MYH4: variants seen among roughly 807,000 people sequenced by gnomAD.
MYH4 encodes the protein myosin heavy chain 4.
Under a neutral mutation model 229.9 loss-of-function variants are expected in MYH4, and 200 were observed. That is an observed-to-expected ratio of 0.87 (90% CI 0.78 to 0.98). The LOEUF is 0.98. Among genes scored for constraint, MYH4 ranks in the 50% least tolerant of loss-of-function variants. MYH4 has a pLI of 0.00. For missense variants in MYH4, 2,148 were observed against 2,332.6 expected (o/e 0.92, Z 1.63); for synonymous variants, 761 against 834.6 (o/e 0.91, Z 1.52).
intron 30 of MYH4, 92 bp from the exon 31 acceptor site, chr17:10,449,139 C>T: frequency 9.2e-7 from 1 of 1,083,270 alleles, no homozygotes; most frequent in Non-Finnish European, 1.3e-6. Context: ...GCATATTTCC[C>T]CAAGAGTTGT....
rs1449931934 is a variant in MYH4 at position 10,466,733 on chromosome 17, A to G, written c.13T>C (p.Ser5Pro). 1.2e-6 allele frequency: 2 copies of G among 1,614,126 alleles called. No individual in the cohort carries two copies. The highest frequency in any genetic ancestry group is 2.7e-5 in the African/African-American group (2 of 74,942). The change falls in exon 3 of 40, where the codon TCT (serine) becomes CCT (proline). Residue 5 changes from serine (S) to proline (P), a missense_variant. Transcript: ENST00000255381. MSSD[S>P]EMAIFGEAAP... ...GCCTCCCCAAAAATGGCCATCTCAG[A>G]GTCAGAACTCATGGCTGCAGGTTAT...
Position 10,447,042 on chromosome 17 carries a change from T to G in MYH4, c.5140A>C (p.Ser1714Arg), listed in dbSNP as rs775912976. ...KMAEQELLDASERVQLLHTQN... is the reference protein window; with the variant it reads ...KMAEQELLDARERVQLLHTQN... ...GTGTGCAGAAGTTGCACACGTTCAC[T>G]GGCATCCAGAAGCTCTTGCTCTGCC... The change falls in exon 35 of 40, where the codon AGT (serine) becomes CGT (arginine). Residue 1714 changes from serine (S) to arginine (R), a missense_variant. Coordinates refer to ENST00000255381, the MANE Select transcript of MYH4 (RefSeq NM_017533.2). 3 of 1,614,178 alleles carry G rather than the reference T, an allele frequency of 1.9e-6. No individual in the cohort carries two copies. Among genetic ancestry groups the G allele is most frequent in the Non-Finnish European group, 8.5e-7 (1 of 1,180,022 alleles).
In MYH4 at chr17:10,451,887, G is replaced by A. The variant is rs559585333; in HGVS notation, c.3738+54C>T. On this transcript the variant is annotated intron_variant, in intron 27 of 39. Transcript: ENST00000255381. ...GCTAAAAATAGTCATATATAAACTT[G>A]GTCATTTTGAATTGTTGCAAATAAA... The A allele has an allele frequency of 1.1e-5, 17 of 1,543,752 alleles. No homozygotes were observed. In the East Asian group the frequency reaches 3.6e-4, roughly 33 times the overall value.
rs1371127550 is a variant in MYH4, at chr17:10,454,587, C to T, written c.2659G>A (p.Glu887Lys). 6.2e-7 allele frequency: 1 copy of T among 1,613,734 alleles called. No homozygotes were observed. Among genetic ancestry groups the T allele is most frequent in the African/African-American group, 1.3e-5 (1 of 74,818 alleles). Residue 887 changes from glutamate to lysine, a missense_variant, in exon 22 of 40, where the codon GAG becomes AAG. Glu to Lys is a moderately conservative substitution (Grantham distance 56). Coordinates refer to ENST00000255381, the MANE Select transcript of MYH4 (RefSeq NM_017533.2). Reference protein sequence around the residue: ...LEEKMVTLMQEKNDLQLQVQA... With the variant: ...LEEKMVTLMQKKNDLQLQVQA... ...ACTTGGAGTTGTAAGTCATTTTTCT[C>T]TTGCATTAGCGTCACCATCTTTTCT...
rs1251252157 is a variant in MYH4 at position 10,447,066 on chromosome 17, C to T, written c.5116G>A (p.Ala1706Thr). 6.2e-7 allele frequency: 1 copy of T among 1,614,172 alleles called. No homozygotes were observed. Among genetic ancestry groups the T allele is most frequent in the South Asian group, 1.1e-5 (1 of 91,082 alleles). ...CTGGCATCCAGAAGCTCTTGCTCTG[C>T]CATTTTCCTGCCTCTCTCAGTCCGT... ...LERTERGRKM[A>T]EQELLDASER... The change falls in exon 35 of 40, where the codon GCA becomes ACA. Residue 1706 changes from alanine to threonine, a missense_variant. Physicochemically the swap from Ala to Thr is moderately conservative, Grantham distance 58 (BLOSUM62 0). Coordinates refer to ENST00000255381, the MANE Select transcript of MYH4 (RefSeq NM_017533.2).
intron 11 of MYH4, among the ~76,000 whole-genome samples, chr17:10,462,557 G>T (rs538255162): frequency 6.6e-6 from 1 of 152,140 alleles, no homozygotes; most frequent in Admixed American, 6.5e-5. Flanking sequence ...GCATAAAATA[G>T]CAGAGAAACA....
intron 17 of MYH4, 83 bp from the exon 18 acceptor site, chr17:10,455,984 A>G: frequency 3.9e-6 from 6 of 1,539,320 alleles, no homozygotes; most frequent in Non-Finnish European, 5.4e-6. Flanking sequence ...CTTTCATTTC[A>G]CATTTTAATG....
chr17:10,450,545 C>T lies in MYH4; in HGVS notation c.4089G>A (p.Arg1363=). Residue 1363 remains arginine, a synonymous_variant, in exon 30 of 40, where the codon AGG becomes AGA. Coordinates refer to ENST00000255381, the MANE Select transcript of MYH4 (RefSeq NM_017533.2). ...CCTCACTGTTGGCCTTGGACATTCC[C>T]CTCTGCAGCTCAGCCTTGGCTTCCT... ...EEQEAKAELQ[R]GMSKANSEVA... 4 of 1,614,198 alleles carry T rather than the reference C, an allele frequency of 2.5e-6. No homozygotes were observed. The highest frequency in any genetic ancestry group is 3.4e-6 in the Non-Finnish European group (4 of 1,180,016).
chr17:10,455,206 A>G lies in MYH4; in HGVS notation c.2264T>C (p.Ile755Thr). The G allele has an allele frequency of 6.2e-7, 1 of 1,614,218 alleles. No individual in the cohort carries two copies. The highest frequency in any genetic ancestry group is 8.5e-7 in the Non-Finnish European group (1 of 1,180,030). ...ACCGAATTTGTACTGGGTGTGGTCA[A>G]TTTCAATAGACCCTAGAAGTTTCTC... Reference protein sequence around the residue: ...ASEKLLGSIEIDHTQYKFGHT... With the variant: ...ASEKLLGSIETDHTQYKFGHT... The change falls in exon 20 of 40, where the codon ATT (isoleucine) becomes ACT (threonine). Residue 755 changes from isoleucine to threonine, a missense_variant. Physicochemically the swap from Ile to Thr is moderately conservative, Grantham distance 89. Transcript: ENST00000255381.
chr17:10,463,261 A>G, intron 9 of MYH4, 73 bp from the exon 10 acceptor site: 1 of 1,551,016 alleles, frequency 6.4e-7, no homozygotes, highest in Non-Finnish European at 8.8e-7. Context: ...ATTTCACACA[A>G]CAGAAATAAG....
At chr17:10,466,222 A>G (rs2072764811) in intron 4 of MYH4, 51 bp downstream of exon 4, 2 of 1,590,250 alleles carry the variant, frequency 1.3e-6, no homozygotes, top group Non-Finnish European at 1.7e-6. Context: ...ATTTTAGCTA[A>G]CATGTGTAGA....
Position 10,453,259 on chromosome 17 carries a change from C to G in MYH4, c.3004G>C (p.Ala1002Pro). 1 of 1,614,030 alleles carries G rather than the reference C, an allele frequency of 6.2e-7. No individual in the cohort carries two copies. ...TIAKLTKEKK[A>P]LQEAHQQTLD... ...GTCTGCTGGTGGGCCTCCTGGAGAG[C>G]CTTCTTCTCCTTGGTCAGCTTAGCA... Residue 1002 changes from alanine (A) to proline (P), a missense_variant, in exon 24 of 40, where the codon GCT becomes CCT. Ala to Pro is a conservative substitution (Grantham distance 27). Coordinates refer to ENST00000255381, the MANE Select transcript of MYH4 (RefSeq NM_017533.2).
At chr17:10,444,530 A>G in intron 39 of MYH4, 74 bp downstream of exon 39, 1 of 1,131,938 alleles carries the variant, frequency 8.8e-7, no homozygotes, top group Non-Finnish European at 1.3e-6. Flanking sequence ...AACCCCCTAA[A>G]TTCTATAAAC....
chr17:10,459,539 G>A (rs1260403095), intron 14 of MYH4, 118 bp from the exon 15 acceptor site: 3 of 1,519,720 alleles, frequency 2.0e-6, no homozygotes, highest in East Asian at 2.4e-5. Context: ...TAAACCTTCA[G>A]ATTGTTTTCC....
At position 10,450,815 on chromosome 17, in the gene MYH4, T is replaced by C. The variant is rs780825257; in HGVS notation, c.3946A>G (p.Ile1316Val). ...TCTAGCTGCCTCTTTAATTCTTCAA[T>C]CTGTTGTGTAAATGCTTGTTTGCCT... ...SRGKQAFTQQ[I>V]EELKRQLEEE... The change falls in exon 29 of 40, where the codon ATT becomes GTT. Residue 1316 changes from isoleucine to valine, a missense_variant. By Grantham distance (29) the Ile-to-Val change is conservative (BLOSUM62 3). Transcript: ENST00000255381. The C allele has an allele frequency of 4.3e-6, 7 of 1,614,116 alleles. No homozygotes were observed. The East Asian group carries it at 1.6e-4, about 36-fold the overall frequency.
In MYH4 at chr17:10,457,406, C is replaced by T; in HGVS notation, c.1897+14G>A. Reference sequence around the variant, plus strand: ...TTGTGACTCTTGTAACATATTAGTGCTATTAAACATGACCTGCTTCAGCAG... The same window carrying T: ...TTGTGACTCTTGTAACATATTAGTGTTATTAAACATGACCTGCTTCAGCAG... On this transcript the variant is annotated intron_variant, in intron 16 of 39. Coordinates refer to ENST00000255381, the MANE Select transcript of MYH4 (RefSeq NM_017533.2). 6.3e-7 allele frequency: 1 copy of T among 1,583,394 alleles called. No homozygotes were observed. Among genetic ancestry groups the T allele is most frequent in the South Asian group, 1.2e-5 (1 of 86,042 alleles).
chr17:10,445,217 C>A lies in MYH4; in HGVS notation c.5295+20G>T, dbSNP rs370521112. ...AGGCAGCATGCATGTGTCAGTAAGA[C>A]AAATGCTCATCTTGCTTACATCAGT... On this transcript the variant is annotated intron_variant, in intron 36 of 39. Coordinates refer to ENST00000255381, the MANE Select transcript of MYH4 (RefSeq NM_017533.2). The A allele has an allele frequency of 9.3e-6, 15 of 1,614,074 alleles. No individual in the cohort carries two copies. Among genetic ancestry groups the A allele is most frequent in the African/African-American group, 1.3e-5 (1 of 74,940 alleles).
chr17:10,448,273 A>T, intron 33 of MYH4, 123 bp downstream of exon 33: 1 of 1,338,402 alleles, frequency 7.5e-7, no homozygotes, highest in Non-Finnish European at 1.0e-6. Flanking sequence ...TCAAGGTACA[A>T]TTCAGTATTT....
Position 10,443,549 on chromosome 17 carries a change from A to G in MYH4, c.5668-22T>C. 6.3e-7 allele frequency: 1 copy of G among 1,593,786 alleles called. No individual in the cohort carries two copies. The highest frequency in any genetic ancestry group is 1.1e-5 in the South Asian group (1 of 88,728). ...CCTCCTGAGAACAGAGATGCATTTG[A>G]GATAACAAGAAAATTGGACATTTCC... On this transcript the variant is annotated intron_variant, in intron 39 of 39. Transcript: ENST00000255381. This position sits in a 1 kb window ranked among gnomAD's most constrained non-coding sequence, Gnocchi z 4.6.
Sources: gnomAD v4.1 joint callset for allele counts (sites outside exome capture counted in the v4.1 genomes callset) on GRCh38, gnomAD v4.1.1 for gene constraint, Gnocchi (gnomAD v3.1) non-coding constraint, MANE v1.5 for transcripts, NCBI Gene and HGNC (gene_info 2026-07-23, HGNC 2026-07-21) for gene names.